The following MAP3K15 variants were observed in gnomAD, a reference collection of about 807,000 sequenced individuals.
MAP3K15 encodes MAPK/ERK kinase kinase 15.
A neutral mutation model predicts 99.5 loss-of-function variants in MAP3K15; 124 were observed. The ratio of observed to expected loss-of-function variants is 1.25; its 90% CI spans 1.08 to 1.45. The LOEUF (loss-of-function observed/expected upper bound fraction) is 1.45, where lower values mean the gene tolerates loss of function less well. Among genes scored for constraint, MAP3K15 ranks in the 40% most tolerant of loss-of-function variants. MAP3K15 has a pLI of 0.00. For synonymous variants in MAP3K15, 494 were observed against 439.6 expected (o/e 1.12, Z -1.55); for missense variants, 1,242 against 1,079.7 (o/e 1.15, Z -2.11).
intron 18 of MAP3K15, among the ~76,000 whole-genome samples, chrX:19,390,779 C>T (rs2063522794): frequency 9.4e-6 from 1 of 106,277 alleles, no homozygotes. Context: ...AGTGATCCTC[C>T]CATCTTGGCC....
chrX:19,489,694 G>A (rs915226626), intron 1 of MAP3K15, among the ~76,000 whole-genome samples: 1 of 110,916 alleles, frequency 9.0e-6, no homozygotes, highest in Non-Finnish European at 1.9e-5. Flanking sequence ...CAGACAATGA[G>A]TCTGCCGCCA....
At chrX:19,495,210 C>T (rs2064392659) in intron 1 of MAP3K15, among the ~76,000 whole-genome samples, 1 of 112,004 alleles carries the variant, frequency 8.9e-6, no homozygotes, top group African/African-American at 3.2e-5. Context: ...CGGGGTTTCC[C>T]CATGTTGGCC....
At position 19,386,459 on chromosome X, in the gene MAP3K15, AAAAC is replaced by A. The variant is rs895879017; in HGVS notation, c.2431+5539_2431+5542del. Among the ~76,000 whole-genome samples the A allele has an allele frequency of 1.5e-4, 17 of 110,853 alleles. No homozygotes were observed. In the East Asian group the frequency reaches 2.3e-3, roughly 15 times the overall value. On this transcript the variant is annotated intron_variant, in intron 18 of 28. Transcript: ENST00000338883. ...CGACAGAGTAAGACTCCATTTCAACAAAACAAACAAACAAACAAAAATCTGGCTC... is the reference window on the plus strand; with the variant it reads ...CGACAGAGTAAGACTCCATTTCAACAAAACAAACAAACAAAAATCTGGCTC...
chrX:19,475,801 C>A (rs1254753080), intron 3 of MAP3K15, among the ~76,000 whole-genome samples: 1 of 112,081 alleles, frequency 8.9e-6, no homozygotes, highest in Non-Finnish European at 1.9e-5. Context: ...AATGAAGCTA[C>A]GCAATACCTG....
intron 6 of MAP3K15, among the ~76,000 whole-genome samples, chrX:19,447,909 A>AAAAAAAACCC (rs2064012619): frequency 1.0e-5 from 1 of 95,990 alleles, no homozygotes. Context: ...AAAAAAAGAA[A>AAAAAAAACCC]CCCACGAAAA....
intron 13 of MAP3K15, among the ~76,000 whole-genome samples, chrX:19,401,255 T>C (rs943373944): frequency 3.6e-5 from 4 of 109,780 alleles, no homozygotes; most frequent in Non-Finnish European, 7.6e-5. Flanking sequence ...AGTGCAGTGA[T>C]GTGATCACAG....
chrX:19,398,649 C>T (rs1424183343), intron 14 of MAP3K15, among the ~76,000 whole-genome samples: 3 of 111,792 alleles, frequency 2.7e-5, no homozygotes, highest in East Asian at 2.8e-4. Context: ...CCCATTTTAA[C>T]GCTGCAATTT....
intron 13 of MAP3K15, among the ~76,000 whole-genome samples, chrX:19,406,961 A>G (rs1165953480): frequency 1.8e-5 from 2 of 112,353 alleles, no homozygotes; most frequent in Non-Finnish European, 3.8e-5. Flanking sequence ...TCAGCCTCCC[A>G]AAGTGCTGAG....
chrX:19,377,058 A>C (rs2063423352), intron 19 of MAP3K15, among the ~76,000 whole-genome samples: 2 of 111,771 alleles, frequency 1.8e-5, no homozygotes, highest in African/African-American at 6.5e-5. Context: ...TTTGGGTGAC[A>C]CAGTTAAATC....
In MAP3K15 at chrX:19,464,316, A is replaced by AGGCTCGTCTCTG. The variant is rs749559916; in HGVS notation, c.604_615dup (p.Gln202_Ala205dup). On this transcript the variant is annotated inframe_insertion, in exon 4 of 29. Transcript: ENST00000338883. Reference sequence around the variant, plus strand: ...TCCCAGTTGGGCTGCATGTACTCGGAGGCTCGTCTCTGGGCATCACTCTCG... The same window carrying AGGCTCGTCTCTG: ...TCCCAGTTGGGCTGCATGTACTCGGAGGCTCGTCTCTGGGCTCGTCTCTGGGCATCACTCTCG... 1 of 1,199,499 alleles carries AGGCTCGTCTCTG rather than the reference A, an allele frequency of 8.3e-7. No homozygotes were observed. The highest frequency in any genetic ancestry group is 1.8e-5 in the South Asian group (1 of 56,905).
At chrX:19,368,932 A>G in intron 25 of MAP3K15, 122 bp downstream of exon 25, 2 of 745,781 alleles carry the variant, frequency 2.7e-6, no homozygotes, top group Non-Finnish European at 3.6e-6. Context: ...GTGGATGATG[A>G]AGCTGCTTTT....
chrX:19,402,142 TA>T (rs61672427), intron 13 of MAP3K15, among the ~76,000 whole-genome samples: 19,745 of 104,293 alleles, frequency 0.19, 3,897 homozygotes, highest in African/African-American at 0.58. Context: ...TTTTTTTTTT[TA>T]AATTAGCCAG....
chrX:19,486,619 T>G (rs2064327725), intron 2 of MAP3K15, 114 bp from the exon 3 acceptor site: 1 of 303,428 alleles, frequency 3.3e-6, no homozygotes, highest in African/African-American at 2.8e-5. Context: ...ATTAATCACA[T>G]AAAAGCACCC....
chrX:19,476,874 C>G (rs1035612941), intron 3 of MAP3K15, among the ~76,000 whole-genome samples: 2 of 111,670 alleles, frequency 1.8e-5, no homozygotes, highest in African/African-American at 6.5e-5. Flanking sequence ...TCAAAAGTCA[C>G]CTCATTAAAA....
intron 1 of MAP3K15, among the ~76,000 whole-genome samples, chrX:19,501,507 G>C (rs745828908): frequency 4.5e-5 from 5 of 111,405 alleles, no homozygotes; most frequent in African/African-American, 6.5e-5. Flanking sequence ...TAATAAAATC[G>C]TAAGTGCACT....
In MAP3K15 at chrX:19,483,101, T is replaced by A. The variant is rs867164136; in HGVS notation, c.525+3381A>T. Among the ~76,000 whole-genome samples the A allele has an allele frequency of 3.7e-3, 374 of 100,110 alleles. 2 individuals carry two copies. Among genetic ancestry groups the A allele is most frequent in the African/African-American group, 0.014 (365 of 25,836 alleles). 86.9% of individuals were successfully genotyped at this position (100,110 alleles called of 115,157 possible). On this transcript the variant is annotated intron_variant, in intron 3 of 28. Transcript: ENST00000338883. ...CTGTCTCTACTAAAAAAAAAAAAAA[T>A]ACAAAAATTAGCCGGTCATGGTGGC...
At chrX:19,433,349 G>A (rs1306494701) in intron 6 of MAP3K15, among the ~76,000 whole-genome samples, 2 of 111,579 alleles carry the variant, frequency 1.8e-5, no homozygotes, top group African/African-American at 6.5e-5. Flanking sequence ...AATGCAGGTG[G>A]CATCACGCAA....
intron 5 of MAP3K15, among the ~76,000 whole-genome samples, chrX:19,458,950 T>C (rs1441301817): frequency 9.0e-6 from 1 of 111,700 alleles, no homozygotes; most frequent in Non-Finnish European, 1.9e-5. Context: ...GGCATTCAAC[T>C]TGGAGAGAGG....
chrX:19,365,208 CA>C (rs141602108), intron 25 of MAP3K15, among the ~76,000 whole-genome samples: 15,140 of 74,591 alleles, frequency 0.2, 2,108 homozygotes, highest in African/African-American at 0.48. Context: ...AACTCCATCT[CA>C]AAAAAAAAAA....
Sources: gnomAD v4.1 joint callset for allele counts (sites outside exome capture counted in the v4.1 genomes callset) on GRCh38, gnomAD v4.1.1 for gene constraint, MANE v1.5 for transcripts, NCBI Gene and HGNC (gene_info 2026-07-23, HGNC 2026-07-21) for gene names.